The following ACOX2 variants were observed in gnomAD, a reference collection of about 807,000 sequenced individuals.
ACOX2 encodes acyl-CoA oxidase 2.
Under a neutral mutation model 77.5 loss-of-function variants are expected in ACOX2, and 59 were observed. The ratio of observed to expected loss-of-function variants is 0.76; its 90% CI spans 0.62 to 0.95. The LOEUF (loss-of-function observed/expected upper bound fraction) is 0.95. Among genes scored for constraint, ACOX2 ranks in the 40% least tolerant of loss-of-function variants. ACOX2 has a pLI of 0.00. For missense variants in ACOX2, 837 were observed against 880.4 expected, an observed-to-expected ratio of 0.95 and a Z score of 0.62; for synonymous variants, 317 against 340.1, an observed-to-expected ratio of 0.93 and a Z score of 0.75.
Position 58,522,232 on chromosome 3 carries a change from A to G in ACOX2, c.1632+264T>C, listed in dbSNP as rs1038229108. The stretch of plus-strand genomic sequence containing the variant: ...AAGGGGAGACTTGACCTGCTTTTCT[A>G]TCTGGGAGGAAATATTTGAACAACC... On this transcript the variant is annotated intron_variant, in intron 12 of 14. Coordinates refer to ENST00000302819, the MANE Select transcript of ACOX2 (RefSeq NM_003500.4). This position sits in a 1 kb window ranked among gnomAD's most constrained non-coding sequence, Gnocchi z 4.3. Among the ~76,000 whole-genome samples the G allele has an allele frequency of 4.6e-5, 7 of 152,224 alleles. No homozygotes were observed. Among genetic ancestry groups the G allele is most frequent in the African/African-American group, 1.2e-4 (5 of 41,450 alleles).
intron 9 of ACOX2, among the ~76,000 whole-genome samples, chr3:58,527,391 C>T (rs1249802409): frequency 6.6e-6 from 1 of 152,042 alleles, no homozygotes; most frequent in Non-Finnish European, 1.5e-5. Context: ...CAAAAATTAG[C>T]TGGGCGTGGT....
Position 58,526,803 on chromosome 3 carries a change from GA to G in ACOX2, c.1156-148del. The G allele has an allele frequency of 1.2e-6, 1 of 846,954 alleles. No individual in the cohort carries two copies. Among genetic ancestry groups the G allele is most frequent in the Non-Finnish European group, 1.8e-6 (1 of 559,250 alleles). The allele number at this position is 846,954 out of a possible 1,614,324, so 52.5% of individuals were successfully genotyped here. Reference sequence around the variant, plus strand: ...CCTCTGCTCACAACTTTATGAATGAGAAGGCGGGTACTCAGCTTATGTGACT... The same window carrying G: ...CCTCTGCTCACAACTTTATGAATGAGAGGCGGGTACTCAGCTTATGTGACT... On this transcript the variant is annotated intron_variant, in intron 9 of 14. Transcript: ENST00000302819. This position sits in a 1 kb window ranked among gnomAD's most constrained non-coding sequence, Gnocchi z 4.3.
rs777215078 is a variant in ACOX2 at position 58,530,523 on chromosome 3, G to T, written c.935C>A (p.Ala312Asp). The stretch of plus-strand genomic sequence containing the variant: ...CGAGTAGCGCATGGCGATGACACAG[G>T]CCTTCTGCAGTATAGGGAGGATCTC... ...SGEILPILQKACVIAMRYSVI... is the reference protein window; with the variant it reads ...SGEILPILQKDCVIAMRYSVI... The change falls in exon 8 of 15, where the codon GCC becomes GAC. Residue 312 changes from alanine to aspartate, a missense_variant. Coordinates refer to ENST00000302819, the MANE Select transcript of ACOX2 (RefSeq NM_003500.4). 39 of 1,614,270 alleles carry T rather than the reference G, an allele frequency of 2.4e-5. No homozygotes were observed. Among genetic ancestry groups the T allele is most frequent in the Non-Finnish European group, 3.2e-5 (38 of 1,180,040 alleles).
In ACOX2 at chr3:58,505,401, T is replaced by C. The variant is rs973877415; in HGVS notation, c.1984-115A>G. The C allele has an allele frequency of 8.4e-6, 7 of 835,204 alleles. No individual in the cohort carries two copies. Among genetic ancestry groups the C allele is most frequent in the Admixed American group, 2.9e-5 (1 of 33,906 alleles). 51.7% of individuals were successfully genotyped at this position (835,204 alleles called of 1,614,324 possible). The stretch of plus-strand genomic sequence containing the variant: ...AAGTAACATTACGTAAGATTCTTAA[T>C]TTTAAAAATTATTTCTAAGACTCAT... On this transcript the variant is annotated intron_variant, in intron 14 of 14. Transcript: ENST00000302819. The surrounding 1 kb of genome is among the most constrained non-coding windows in gnomAD (Gnocchi z 4.4).
Position 58,533,881 on chromosome 3 carries a change from A to T in ACOX2, c.475+113T>A. On this transcript the variant is annotated intron_variant, in intron 4 of 14. Coordinates refer to ENST00000302819, the MANE Select transcript of ACOX2 (RefSeq NM_003500.4). The surrounding 1 kb of genome is among the most constrained non-coding windows in gnomAD (Gnocchi z 5.6). ...CTGCCAGCTGCTGGAATGTTTTCTTATTAAACATATGTCCCTCGGAGCATA... is the reference window on the plus strand; with the variant it reads ...CTGCCAGCTGCTGGAATGTTTTCTTTTTAAACATATGTCCCTCGGAGCATA... 1 of 1,366,218 alleles carries T rather than the reference A, an allele frequency of 7.3e-7. No homozygotes were observed. The highest frequency in any genetic ancestry group is 1.0e-6 in the Non-Finnish European group (1 of 1,003,222). The allele number at this position is 1,366,218 out of a possible 1,614,324, so 84.6% of individuals were successfully genotyped here.
At chr3:58,508,671 C>T (rs1171938652) in intron 14 of ACOX2, among the ~76,000 whole-genome samples, 1 of 152,164 alleles carries the variant, frequency 6.6e-6, no homozygotes, top group African/African-American at 2.4e-5. Flanking sequence ...AAGTTCCGAG[C>T]AGTGCATTTT....
rs897863292 is a variant in ACOX2 at position 58,535,788 on chromosome 3, G to A, written c.-91-591C>T. Among the ~76,000 whole-genome samples the A allele has an allele frequency of 2.0e-5, 3 of 152,132 alleles. No homozygotes were observed. Among genetic ancestry groups the A allele is most frequent in the Non-Finnish European group, 2.9e-5 (2 of 68,026 alleles). ...GCCCCTGAGTGTCTTTCATACCCAG[G>A]TTGGACCCTGTCTCCTTCATGGCAA... On this transcript the variant is annotated intron_variant, in intron 1 of 14. Coordinates refer to ENST00000302819, the MANE Select transcript of ACOX2 (RefSeq NM_003500.4). The surrounding 1 kb of genome is among the most constrained non-coding windows in gnomAD (Gnocchi z 4.8).
chr3:58,510,651 A>T (rs1231413371), intron 13 of ACOX2, among the ~76,000 whole-genome samples: 2 of 39,378 alleles, frequency 5.1e-5, no homozygotes, highest in Admixed American at 4.1e-4. Context: ...AAAAAAAAAA[A>T]AAAAAAAAAA....
chr3:58,509,630 T>TTTG (rs1480043871), intron 13 of ACOX2, among the ~76,000 whole-genome samples: 91 of 125,586 alleles, frequency 7.2e-4, no homozygotes, highest in Non-Finnish European at 8.4e-4. Context: ...TTTTTTTTGA[T>TTTG]ACAGAGTCTC....
Position 58,509,068 on chromosome 3 carries a change from T to G in ACOX2, c.1851-43A>C, listed in dbSNP as rs757509327. On this transcript the variant is annotated intron_variant, in intron 13 of 14. Coordinates refer to ENST00000302819, the MANE Select transcript of ACOX2 (RefSeq NM_003500.4). Reference sequence around the variant, plus strand: ...AGTTTGTAAGTATTTTAGATTGCTCTTATGAATCAAACTAGTCTTGGATGG... The same window carrying G: ...AGTTTGTAAGTATTTTAGATTGCTCGTATGAATCAAACTAGTCTTGGATGG... The G allele has an allele frequency of 1.6e-5, 26 of 1,603,778 alleles. No individual in the cohort carries two copies. In the East Asian group the frequency reaches 4.5e-4, roughly 28 times the overall value.
Position 58,529,272 on chromosome 3 carries a change from T to C in ACOX2, c.993-316A>G, listed in dbSNP as rs1282395177. ...GACTCCAACACGTCTGGTCCCAAGA[T>C]TTCAGGTGAAGAGTTGTGGCCCTGC... On this transcript the variant is annotated intron_variant, in intron 8 of 14. Coordinates refer to ENST00000302819, the MANE Select transcript of ACOX2 (RefSeq NM_003500.4). 3 of 188,360 alleles carry C rather than the reference T, an allele frequency of 1.6e-5. No individual in the cohort carries two copies. In the East Asian group the frequency reaches 3.9e-4, roughly 25 times the overall value. 11.7% of individuals were successfully genotyped at this position (188,360 alleles called of 1,614,324 possible). A position where few individuals can be genotyped will look rare whatever the true frequency, so the allele number is the denominator to read the frequency against.
Position 58,522,642 on chromosome 3 carries a change from T to A in ACOX2, c.1527-41A>T, listed in dbSNP as rs370792574. ...AAAAAGGTTCAGCTTCCTGACTGAG[T>A]GGAAAAGACAACTGATGGGCTTCCT... On this transcript the variant is annotated intron_variant, in intron 11 of 14. Transcript: ENST00000302819. This position sits in a 1 kb window ranked among gnomAD's most constrained non-coding sequence, Gnocchi z 4.3. The A allele has an allele frequency of 3.3e-5, 52 of 1,581,404 alleles. No homozygotes were observed. The African/African-American group carries it at 6.1e-4, about 18-fold the overall frequency.
Position 58,526,856 on chromosome 3 carries a change from G to A in ACOX2, c.1156-200C>T. 2 of 569,968 alleles carry A rather than the reference G, an allele frequency of 3.5e-6. No homozygotes were observed. The highest frequency in any genetic ancestry group is 3.3e-5 in the Admixed American group (1 of 30,442). The allele number at this position is 569,968 out of a possible 1,614,324, so 35.3% of individuals were successfully genotyped here. A position where few individuals can be genotyped will look rare whatever the true frequency, so the allele number is the denominator to read the frequency against. On this transcript the variant is annotated intron_variant, in intron 9 of 14. Coordinates refer to ENST00000302819, the MANE Select transcript of ACOX2 (RefSeq NM_003500.4). The surrounding 1 kb of genome is among the most constrained non-coding windows in gnomAD (Gnocchi z 4.3). ...ACCCAGAGGCACACAATTAGGCAAT[G>A]TAGCTGTAGGGGCATAAGAGTGAAG...
chr3:58,531,800 G>A lies in ACOX2; in HGVS notation c.596C>T (p.Ala199Val). The A allele has an allele frequency of 1.2e-6, 2 of 1,613,692 alleles. No individual in the cohort carries two copies. Among genetic ancestry groups the A allele is most frequent in the Non-Finnish European group, 1.7e-6 (2 of 1,179,912 alleles). ...KWWPGDLGRS[A>V]THALVQAQLI... ...CTGGGCCTGGACCAGGGCATGGGTGGCTGACCGTCCCACTGAGGGCAGAGA... is the reference window on the plus strand; with the variant it reads ...CTGGGCCTGGACCAGGGCATGGGTGACTGACCGTCCCACTGAGGGCAGAGA... The change falls in exon 6 of 15, where the codon GCC becomes GTC. Residue 199 changes from alanine (A) to valine (V), a missense_variant. By Grantham distance (64) the Ala-to-Val change is moderately conservative. Coordinates refer to ENST00000302819, the MANE Select transcript of ACOX2 (RefSeq NM_003500.4). The surrounding 1 kb of genome is among the most constrained non-coding windows in gnomAD (Gnocchi z 5.8).
chr3:58,529,829 G>T (rs557738772), intron 8 of ACOX2, among the ~76,000 whole-genome samples: 12 of 152,350 alleles, frequency 7.9e-5, no homozygotes, highest in Admixed American at 7.8e-4. Flanking sequence ...TGTAGCTGAG[G>T]AAGCTGAGGG....
intron 12 of ACOX2, among the ~76,000 whole-genome samples, chr3:58,518,075 C>CAAAAAA (rs763535906): frequency 4.2e-3 from 201 of 47,454 alleles, no homozygotes; most frequent in African/African-American, 8.8e-3. Context: ...AACTCCATCT[C>CAAAAAA]AAAAAAAAAA....
chr3:58,519,871 G>A lies in ACOX2; in HGVS notation c.1633-2448C>T, dbSNP rs964516060. ...TTGTTGCTCAGACTGGGTCCAGCTT[G>A]GCAGAACTGCGGACCCGCACTCCTT... is the stretch of plus-strand genomic sequence containing the variant. On this transcript the variant is annotated intron_variant, in intron 12 of 14. Transcript: ENST00000302819. This position sits in a 1 kb window ranked among gnomAD's most constrained non-coding sequence, Gnocchi z 5.0. Among the ~76,000 whole-genome samples, 1 of 152,226 alleles carries A rather than the reference G, an allele frequency of 6.6e-6. No individual in the cohort carries two copies. The highest frequency in any genetic ancestry group is 1.5e-5 in the Non-Finnish European group (1 of 68,040).
At position 58,531,273 on chromosome 3, in the gene ACOX2, T is replaced by C; in HGVS notation, c.797A>G (p.Asn266Ser). ...QLNHVRVPRENMLSRFAQVLP... is the reference protein window; with the variant it reads ...QLNHVRVPRESMLSRFAQVLP... ...AACCTGTGCAAAGCGACTCAGCATG[T>C]TCTCCCTGGGGACCCGCACATGGTT... is the stretch of plus-strand genomic sequence containing the variant. Residue 266 changes from asparagine (N) to serine (S), a missense_variant, in exon 7 of 15, where the codon AAC becomes AGC. Coordinates refer to ENST00000302819, the MANE Select transcript of ACOX2 (RefSeq NM_003500.4). This position sits in a 1 kb window ranked among gnomAD's most constrained non-coding sequence, Gnocchi z 5.8. The C allele has an allele frequency of 6.2e-7, 1 of 1,613,080 alleles. No individual in the cohort carries two copies. The highest frequency in any genetic ancestry group is 8.5e-7 in the Non-Finnish European group (1 of 1,179,986).
rs931888120 is a variant in ACOX2, at chr3:58,533,886, A to G, written c.475+108T>C. The G allele has an allele frequency of 5.1e-6, 7 of 1,381,386 alleles. No homozygotes were observed. Among genetic ancestry groups the G allele is most frequent in the African/African-American group, 1.5e-5 (1 of 68,854 alleles). 85.6% of individuals were successfully genotyped at this position (1,381,386 alleles called of 1,614,324 possible). On this transcript the variant is annotated intron_variant, in intron 4 of 14. Transcript: ENST00000302819. This position sits in a 1 kb window ranked among gnomAD's most constrained non-coding sequence, Gnocchi z 5.6. ...AGCTGCTGGAATGTTTTCTTATTAA[A>G]CATATGTCCCTCGGAGCATATGAAC...
Sources: gnomAD v4.1 joint callset for allele counts (sites outside exome capture counted in the v4.1 genomes callset) on GRCh38, gnomAD v4.1.1 for gene constraint, Gnocchi (gnomAD v3.1) non-coding constraint, MANE v1.5 for transcripts, NCBI Gene and HGNC (gene_info 2026-07-23, HGNC 2026-07-21) for gene names.